The following ZDHHC8 variants were observed in gnomAD, a reference collection of about 807,000 sequenced individuals.
ZDHHC8 encodes the protein palmitoyltransferase ZDHHC8.
In ZDHHC8, 24 loss-of-function variants were observed where a neutral mutation model predicts 61.2. The ratio of observed to expected loss-of-function variants is 0.39; its 90% CI spans 0.28 to 0.55. The LOEUF (loss-of-function observed/expected upper bound fraction) is 0.55. Among genes scored for constraint, ZDHHC8 ranks in the 20% least tolerant of loss-of-function variants. The pLI is 0.60. For missense variants in ZDHHC8, 935 were observed against 1,102.1 expected (o/e 0.85, Z 2.15); for synonymous variants, 523 against 492.5 (o/e 1.06, Z -0.82).
intron 3 of ZDHHC8, 42 bp downstream of exon 3, chr22:20,139,677 C>A (rs1444111835): frequency 6.2e-7 from 1 of 1,611,178 alleles, no homozygotes; most frequent in Admixed American, 1.7e-5. Context: ...CCCTGTGCCA[C>A]ATCCCTGCCT....
chr22:20,143,914 C>T (rs1485922129), intron 10 of ZDHHC8, among the ~76,000 whole-genome samples, 158 bp downstream of exon 10: 1 of 152,224 alleles, frequency 6.6e-6, no homozygotes, highest in African/African-American at 2.4e-5. Context: ...GCCTTGAAGG[C>T]CTTGGCTAGC....
At position 20,143,649 on chromosome 22, in the gene ZDHHC8, G is replaced by A. The variant is rs370173752; in HGVS notation, c.2019G>A (p.Leu673=). Residue 673 remains leucine, a synonymous_variant, in exon 10 of 11, where the codon CTG becomes CTA. Coordinates refer to ENST00000334554, the MANE Select transcript of ZDHHC8 (RefSeq NM_013373.4). ...ACAGGTCACCTGCACGCCAGGGCCT[G>A]CCCTCCCCGCCCGGCACTCCCCACT... ...GSHRSPARQG[L]PSPPGTPHSP... 13 of 1,606,950 alleles carry A rather than the reference G, an allele frequency of 8.1e-6. No individual in the cohort carries two copies. In the African/African-American group the frequency reaches 1.7e-4, roughly 21 times the overall value.
intron 6 of ZDHHC8, 75 bp from the exon 7 acceptor site, chr22:20,140,796 G>C: frequency 1.3e-6 from 2 of 1,595,312 alleles, no homozygotes. Flanking sequence ...TTTGGCTCTT[G>C]CCAGGTATGG....
intron 1 of ZDHHC8, among the ~76,000 whole-genome samples, chr22:20,138,719 C>G (rs1239879167): frequency 6.6e-6 from 1 of 152,128 alleles, no homozygotes; most frequent in Admixed American, 6.5e-5. Flanking sequence ...GGGAGACATG[C>G]CCCATGCACT....
At chr22:20,143,906 C>A in intron 10 of ZDHHC8, 150 bp downstream of exon 10, 1 of 1,063,004 alleles carries the variant, frequency 9.4e-7, no homozygotes, top group Non-Finnish European at 1.3e-6. Context: ...CTCACCCTGC[C>A]TTGAAGGCCT....
In ZDHHC8 at chr22:20,139,228, G is replaced by A. The variant is rs780247225; in HGVS notation, c.139G>A (p.Val47Ile). ...GTTGACACGAGCTGTGTCCCCAGCT[G>A]TTCCCGTCTACAATGGCATCATCTT... ...PWLTRAVSPA[V>I]PVYNGIIFLF... The change falls in exon 2 of 11, where the codon GTT (valine) becomes ATT (isoleucine). Residue 47 changes from valine to isoleucine, a missense_variant. By Grantham distance (29) the Val-to-Ile change is conservative. Transcript: ENST00000334554. 6.2e-7 allele frequency: 1 copy of A among 1,613,832 alleles called. No individual in the cohort carries two copies. Among genetic ancestry groups the A allele is most frequent in the Admixed American group, 1.7e-5 (1 of 60,004 alleles).
At chr22:20,135,457 G>C (rs934864280) in intron 1 of ZDHHC8, among the ~76,000 whole-genome samples, 2 of 152,234 alleles carry the variant, frequency 1.3e-5, no homozygotes, top group Non-Finnish European at 2.9e-5. Flanking sequence ...CAGGCTGCCA[G>C]TGCCTGGGGC....
At chr22:20,141,626 C>T in intron 9 of ZDHHC8, 96 bp downstream of exon 9, 1 of 1,018,896 alleles carries the variant, frequency 9.8e-7, no homozygotes, top group Non-Finnish European at 1.4e-6. Context: ...GGCCCCACCT[C>T]CAGAGCCCCA....
rs767710620 is a variant in ZDHHC8, at chr22:20,143,352, C to T, written c.1722C>T (p.Gly574=). 7.6e-6 allele frequency: 12 copies of T among 1,584,308 alleles called. No individual in the cohort carries two copies. Among genetic ancestry groups the T allele is most frequent in the Non-Finnish European group, 1.0e-5 (12 of 1,168,576 alleles). ...LLRSQADSLF[G]DSGVYDAPSS... ...GCTCCCAGGCCGACTCACTCTTCGG[C>T]GACTCAGGCGTCTATGACGCTCCCA... Residue 574 remains glycine, a synonymous_variant, in exon 10 of 11, where the codon GGC becomes GGT. Transcript: ENST00000334554.
Position 20,146,931 on chromosome 22 carries a change from C to T in ZDHHC8, c.*1531C>T, listed in dbSNP as rs1054252155. 6 of 1,349,680 alleles carry T rather than the reference C, an allele frequency of 4.4e-6. No homozygotes were observed. The highest frequency in any genetic ancestry group is 5.7e-6 in the Non-Finnish European group (6 of 1,054,914). 83.6% of individuals were successfully genotyped at this position (1,349,680 alleles called of 1,614,324 possible). A position where few individuals can be genotyped will look rare whatever the true frequency, so the allele number is the denominator to read the frequency against. On this transcript the variant is annotated 3_prime_UTR_variant, in exon 11 of 11. Coordinates refer to ENST00000334554, the MANE Select transcript of ZDHHC8 (RefSeq NM_013373.4). ...AGGGCTGAGACATTCTGGGCTGGGG[C>T]TGTCCCAGCGTGGGAGGCGTGCGGG...
At chr22:20,138,363 T>C (rs2050439047) in intron 1 of ZDHHC8, among the ~76,000 whole-genome samples, 1 of 152,102 alleles carries the variant, frequency 6.6e-6, no homozygotes, top group Non-Finnish European at 1.5e-5. Context: ...GCTGAGTGGG[T>C]GGATTTAGGA....
At chr22:20,136,815 C>G (rs2050425123) in intron 1 of ZDHHC8, among the ~76,000 whole-genome samples, 1 of 152,148 alleles carries the variant, frequency 6.6e-6, no homozygotes, top group Admixed American at 6.5e-5. Context: ...GTGTACATGC[C>G]TGTATATTTG....
intron 1 of ZDHHC8, among the ~76,000 whole-genome samples, chr22:20,134,316 A>C (rs944074052): frequency 4.6e-5 from 7 of 151,480 alleles, no homozygotes; most frequent in South Asian, 2.1e-4. Context: ...CTCTTCCCCG[A>C]CCCGCCCCGC....
In ZDHHC8 at chr22:20,139,187, A is replaced by C. The variant is rs767758179; in HGVS notation, c.105-7A>C. ...ACTCCACTCTCTGCCCCCACTGTCT[A>C]CTGCAGGTGCCCGTGGTTGACACGA... On this transcript the variant is annotated splice_region_variant and splice_polypyrimidine_tract_variant and intron_variant, in intron 1 of 10. Coordinates refer to ENST00000334554, the MANE Select transcript of ZDHHC8 (RefSeq NM_013373.4). The C allele has an allele frequency of 6.8e-6, 11 of 1,612,148 alleles. No individual in the cohort carries two copies. Among genetic ancestry groups the C allele is most frequent in the Non-Finnish European group, 8.5e-6 (10 of 1,179,160 alleles).
chr22:20,145,608 C>T lies in ZDHHC8; in HGVS notation c.*208C>T, dbSNP rs1568996859. ...TCATCTGCCCATGGGGAAGTCGGCT[C>T]ACTGGGACAAGGGCCACTGGGCTGG... On this transcript the variant is annotated 3_prime_UTR_variant, in exon 11 of 11. Transcript: ENST00000334554. The T allele has an allele frequency of 3.6e-5, 44 of 1,230,516 alleles. No individual in the cohort carries two copies. Among genetic ancestry groups the T allele is most frequent in the Non-Finnish European group, 4.5e-5 (44 of 983,356 alleles). 76.2% of individuals were successfully genotyped at this position (1,230,516 alleles called of 1,614,324 possible).
intron 1 of ZDHHC8, among the ~76,000 whole-genome samples, chr22:20,136,610 C>T (rs916585852): frequency 2.0e-5 from 3 of 152,010 alleles, no homozygotes; most frequent in African/African-American, 4.8e-5. Flanking sequence ...TGTGTTCACG[C>T]GTGTTCACAC....
intron 1 of ZDHHC8, among the ~76,000 whole-genome samples, chr22:20,134,590 G>A (rs1172337386): frequency 6.6e-6 from 1 of 152,228 alleles, no homozygotes; most frequent in Non-Finnish European, 1.5e-5. Flanking sequence ...CGACTTCACT[G>A]TTTGCTCCTC....
At chr22:20,137,420 C>T (rs1274260116) in intron 1 of ZDHHC8, among the ~76,000 whole-genome samples, 1 of 152,260 alleles carries the variant, frequency 6.6e-6, no homozygotes, top group Non-Finnish European at 1.5e-5. Flanking sequence ...CCCGAGGCTT[C>T]CATCCTGAGG....
Position 20,141,015 on chromosome 22 carries a change from G to A in ZDHHC8, c.894+3G>A, listed in dbSNP as rs200070367. 1.8e-3 allele frequency: 2,844 copies of A among 1,610,512 alleles called. 2 individuals are homozygous for A. The highest frequency in any genetic ancestry group is 2.3e-3 in the Non-Finnish European group (2,667 of 1,179,924). On this transcript the variant is annotated splice_donor_region_variant and intron_variant, in intron 7 of 10. Transcript: ENST00000334554. ...AGGCTGGCCTGGGCCGTAGCAAGGT[G>A]GGCGCCTGGGCTTAGGGATGGGCTG...
Sources: gnomAD v4.1 joint callset for allele counts (sites outside exome capture counted in the v4.1 genomes callset) on GRCh38, gnomAD v4.1.1 for gene constraint, MANE v1.5 for transcripts, NCBI Gene and HGNC (gene_info 2026-07-23, HGNC 2026-07-21) for gene names.